FRMD7: variants seen among roughly 807,000 people sequenced by gnomAD.
The protein encoded by FRMD7 is FERM domain containing 7.
A neutral mutation model predicts 44.1 loss-of-function variants in FRMD7; 14 were observed. The observed-to-expected ratio is 0.32, with a 90% CI of 0.21 to 0.50. The LOEUF is 0.50. FRMD7 is among the 20% of genes least tolerant of loss of function. The pLI is 0.99. For synonymous variants in FRMD7, 212 were observed against 187.4 expected, an observed-to-expected ratio of 1.13 and a Z score of -1.07; for missense variants, 501 against 522.3, an observed-to-expected ratio of 0.96 and a Z score of 0.40.
Position 132,078,250 on chromosome X carries a change from C to A in FRMD7, c.1767G>T (p.Arg589Ser), listed in dbSNP as rs760487000. Reference sequence around the variant, plus strand: ...TTTTCATGTCTGATTGGCTCTGGGACCTTTTAGGGGTTTGCTCTTGAATGT... The same window carrying A: ...TTTTCATGTCTGATTGGCTCTGGGAACTTTTAGGGGTTTGCTCTTGAATGT... Reference protein sequence around the residue: ...VCNIQEQTPKRSQSQSDMKTI... With the variant: ...VCNIQEQTPKSSQSQSDMKTI... Residue 589 changes from arginine to serine, a missense_variant, in exon 12 of 12, where the codon AGG becomes AGT. Around this residue, in one of 3 missense-constraint regions of FRMD7, gnomAD observed 453 missense variants for 452.7 expected, o/e 1.00. Coordinates refer to ENST00000298542, the MANE Select transcript of FRMD7 (RefSeq NM_194277.3). 2 of 1,211,065 alleles carry A rather than the reference C, an allele frequency of 1.7e-6. No individual in the cohort carries two copies. The highest frequency in any genetic ancestry group is 4.3e-5 in the Admixed American group (2 of 46,035).
rs1013206878 is a variant in FRMD7, at chrX:132,078,742, A to G, written c.1275T>C (p.Thr425=). ...PFIYMDPVFN[T]EPNPNPDPRD... ...TGGGATCAGGGTTAGGATTGGGCTCAGTGTTAAAGACAGGGTCCATATAAA... is the reference window on the plus strand; with the variant it reads ...TGGGATCAGGGTTAGGATTGGGCTCGGTGTTAAAGACAGGGTCCATATAAA... Residue 425 remains threonine (T), a synonymous_variant, in exon 12 of 12, where the codon ACT becomes ACC. Transcript: ENST00000298542. 2 of 1,208,527 alleles carry G rather than the reference A, an allele frequency of 1.7e-6. No individual in the cohort carries two copies. Among genetic ancestry groups the G allele is most frequent in the African/African-American group, 1.7e-5 (1 of 57,190 alleles).
chrX:132,122,158 G>A (rs777408584), intron 1 of FRMD7, among the ~76,000 whole-genome samples: 2 of 111,914 alleles, frequency 1.8e-5, no homozygotes, highest in South Asian at 3.8e-4. Flanking sequence ...CCAGGGAGAG[G>A]GGAATTAACA....
Position 132,100,469 on chromosome X carries a change from C to A in FRMD7, c.162+143G>T, listed in dbSNP as rs190244235. ...AATAAACAAAGAGGGAGGACAAAAA[C>A]TAGTTATTAAATCTAATCATGTTGC... is the stretch of plus-strand genomic sequence containing the variant. On this transcript the variant is annotated intron_variant, in intron 2 of 11. Coordinates refer to ENST00000298542, the MANE Select transcript of FRMD7 (RefSeq NM_194277.3). 7.7e-4 allele frequency: 383 copies of A among 497,429 alleles called. 2 individuals carry two copies. In the African/African-American group the frequency reaches 7.9e-3, roughly 10 times the overall value. 41.0% of individuals were successfully genotyped at this position (497,429 alleles called of 1,213,427 possible).
intron 1 of FRMD7, 136 bp from the exon 2 acceptor site, chrX:132,100,852 T>C (rs964048312): frequency 1.2e-4 from 60 of 498,784 alleles, no homozygotes; most frequent in Non-Finnish European, 2.1e-4. Context: ...CTGCATCCTT[T>C]TCAAAGATGT....
chrX:132,094,332 T>C (rs1928267769), intron 4 of FRMD7, 193 bp from the exon 5 acceptor site: 1 of 422,686 alleles, frequency 2.4e-6, no homozygotes, highest in African/African-American at 2.4e-5. Context: ...ACTCAGCTGA[T>C]TGAACACTTT....
intron 1 of FRMD7, among the ~76,000 whole-genome samples, chrX:132,117,313 C>T (rs932816509): frequency 1.8e-5 from 2 of 111,663 alleles, no homozygotes; most frequent in Non-Finnish European, 3.8e-5. Context: ...GAAGAACCCC[C>T]TCTTTTGATT....
At chrX:132,102,961 A>G (rs1218078165) in intron 1 of FRMD7, among the ~76,000 whole-genome samples, 1 of 112,053 alleles carries the variant, frequency 8.9e-6, no homozygotes, top group Admixed American at 9.4e-5. Context: ...ATCCCATACT[A>G]TGTTTATAAG....
intron 5 of FRMD7, among the ~76,000 whole-genome samples, chrX:132,092,619 G>T (rs1928211408): frequency 8.9e-6 from 1 of 111,915 alleles, no homozygotes; most frequent in Non-Finnish European, 1.9e-5. Context: ...TCTGTGCTAT[G>T]CCTGAAACGG....
Position 132,078,511 on chromosome X carries a change from T to C in FRMD7, c.1506A>G (p.Pro502=). The C allele has an allele frequency of 8.3e-7, 1 of 1,210,968 alleles. No individual in the cohort carries two copies. Among genetic ancestry groups the C allele is most frequent in the East Asian group, 3.0e-5 (1 of 33,816 alleles). ...PPQVFFYVDK[P]PQVPRWSPIR... The stretch of plus-strand genomic sequence containing the variant: ...TTGGGGACCATCTGGGCACCTGGGG[T>C]GGCTTGTCCACATAAAAAAAGACCT... Residue 502 remains proline (P), a synonymous_variant, in exon 12 of 12, where the codon CCA becomes CCG. Coordinates refer to ENST00000298542, the MANE Select transcript of FRMD7 (RefSeq NM_194277.3).
At chrX:132,081,315 G>A (rs2124214949) in intron 9 of FRMD7, among the ~76,000 whole-genome samples, 1 of 111,100 alleles carries the variant, frequency 9.0e-6, no homozygotes, top group East Asian at 2.8e-4. Context: ...CTGGGTGACA[G>A]AGCAAGACTC....
At chrX:132,096,716 C>CA (rs34250894) in intron 4 of FRMD7, among the ~76,000 whole-genome samples, 2,626 of 55,477 alleles carry the variant, frequency 0.047, 64 homozygotes, top group Middle Eastern at 0.076. Context: ...GACCCTGTCT[C>CA]AAAAAAAAAA....
Position 132,078,520 on chromosome X carries a change from C to A in FRMD7, c.1497G>T (p.Val499=). ...GIMPPQVFFY[V]DKPPQVPRWS... is the part of the protein sequence containing the mutation. ...ATCTGGGCACCTGGGGTGGCTTGTC[C>A]ACATAAAAAAAGACCTGGGGAGGCA... Residue 499 remains valine, a synonymous_variant, in exon 12 of 12, where the codon GTG becomes GTT. Transcript: ENST00000298542. The A allele has an allele frequency of 8.3e-7, 1 of 1,211,084 alleles. No homozygotes were observed.
chrX:132,101,727 A>G (rs1928504808), intron 1 of FRMD7, among the ~76,000 whole-genome samples: 1 of 111,606 alleles, frequency 9.0e-6, no homozygotes. Flanking sequence ...AAGGCCACAA[A>G]TTTTTTTCTT....
In FRMD7 at chrX:132,111,160, G is replaced by T. The variant is rs34303476; in HGVS notation, c.58-10444C>A. 6.5e-3 allele frequency among the ~76,000 whole-genome samples: 733 copies of T among 112,267 alleles called. 4 individuals carry two copies. The highest frequency in any genetic ancestry group is 9.2e-3 in the Non-Finnish European group (488 of 53,190). Reference sequence around the variant, plus strand: ...TACTCCAGCCTGGCCAACAAAGCAAGATTCTGTCTCAAATAAAAAGAAAAA... The same window carrying T: ...TACTCCAGCCTGGCCAACAAAGCAATATTCTGTCTCAAATAAAAAGAAAAA... On this transcript the variant is annotated intron_variant, in intron 1 of 11. Transcript: ENST00000298542.
chrX:132,091,456 T>C (rs1163565461), intron 5 of FRMD7, among the ~76,000 whole-genome samples: 2 of 111,275 alleles, frequency 1.8e-5, no homozygotes, highest in African/African-American at 6.5e-5. Context: ...GTTGCATAGC[T>C]TACCCTCCCA....
chrX:132,096,585 C>A (rs1027351555), intron 4 of FRMD7, among the ~76,000 whole-genome samples: 1 of 92,451 alleles, frequency 1.1e-5, no homozygotes, highest in African/African-American at 4.3e-5. Flanking sequence ...ATTAGCCGGG[C>A]GTGGCGGCAA....
Position 132,078,392 on chromosome X carries a change from C to G in FRMD7, c.1625G>C (p.Ser542Thr). The G allele has an allele frequency of 8.3e-7, 1 of 1,211,440 alleles. No individual in the cohort carries two copies. Among genetic ancestry groups the G allele is most frequent in the Non-Finnish European group, 1.1e-6 (1 of 895,185 alleles). Residue 542 changes from serine to threonine, a missense_variant, in exon 12 of 12, where the codon AGC (serine) becomes ACC (threonine). Transcript: ENST00000298542. ...GAGTACTTGCAGGTCTTGCTGAAAG[C>G]TCTTCATTCTGATATTCCTTGGGCT... ...ERSPRNIRMK[S>T]FQQDLQVLQE...
rs1009864489 is a variant in FRMD7 at position 132,099,388 on chromosome X, G to T, written c.205+80C>A. The T allele has an allele frequency of 6.3e-6, 5 of 788,674 alleles. No individual in the cohort carries two copies. The Admixed American group carries it at 1.1e-4, about 18-fold the overall frequency. The allele number at this position is 788,674 out of a possible 1,213,427, so 65.0% of individuals were successfully genotyped here. ...CCCTTTTCTCCCCTTATATTAAAAT[G>T]AGAAATTGTGTGAGGTTGTTGAAAC... On this transcript the variant is annotated intron_variant, in intron 3 of 11. Transcript: ENST00000298542.
intron 1 of FRMD7, among the ~76,000 whole-genome samples, chrX:132,107,634 G>GAGAGAGA (rs1928681190): frequency 6.0e-5 from 4 of 66,293 alleles, no homozygotes; most frequent in Admixed American, 2.6e-4. Flanking sequence ...AGAGAGAGAG[G>GAGAGAGA]GAGGGAGAAT....
Sources: gnomAD v4.1 joint callset for allele counts (sites outside exome capture counted in the v4.1 genomes callset) on GRCh38, gnomAD v4.1.1 for gene constraint, gnomAD v4.1.1 regional missense constraint, MANE v1.5 for transcripts, NCBI Gene and HGNC (gene_info 2026-07-23, HGNC 2026-07-21) for gene names.